The following KIF22 variants were observed in gnomAD, a reference collection of about 807,000 sequenced individuals.
The protein encoded by KIF22 is kinesin family member 22.
KIF22 carries 62 observed loss-of-function variants against 73.0 expected under a neutral mutation model. That is an observed-to-expected ratio of 0.85 (90% CI 0.69 to 1.05). The LOEUF (loss-of-function observed/expected upper bound fraction) is 1.05. KIF22 is among the 50% of genes least tolerant of loss of function. The probability of loss-of-function intolerance (pLI) is 0.00; values close to 1 mark genes in which losing one functional copy is unlikely to be tolerated. For synonymous variants in KIF22, 411 were observed against 340.1 expected, an observed-to-expected ratio of 1.21 and a Z score of -2.29; for missense variants, 854 against 870.1, an observed-to-expected ratio of 0.98 and a Z score of 0.23.
In KIF22 at chr16:29,799,372, C is replaced by T. The variant is rs765292943; in HGVS notation, c.868C>T (p.Arg290Trp). The stretch of plus-strand genomic sequence containing the variant: ...CCGGCGCACAGGCAACAAGGGCCTT[C>T]GGCTAAAAGAGAGTGGAGCCATCAA... ...DNRRTGNKGL[R>W]LKESGAINTS... Residue 290 changes from arginine (R) to tryptophan (W), a missense_variant, in exon 6 of 14, where the codon CGG becomes TGG. Coordinates refer to ENST00000160827, the MANE Select transcript of KIF22 (RefSeq NM_007317.3). 3.7e-6 allele frequency: 6 copies of T among 1,614,236 alleles called. No homozygotes were observed. The highest frequency in any genetic ancestry group is 1.3e-5 in the African/African-American group (1 of 75,062).
chr16:29,804,773 T>C lies in KIF22; in HGVS notation c.1678-41T>C, dbSNP rs577874205. 7.3e-6 allele frequency: 11 copies of C among 1,515,970 alleles called. No individual in the cohort carries two copies. In the Admixed American group the frequency reaches 9.7e-5, roughly 13 times the overall value. The allele number at this position is 1,515,970 out of a possible 1,614,324, so 93.9% of individuals were successfully genotyped here. A position where few individuals can be genotyped will look rare whatever the true frequency, so the allele number is the denominator to read the frequency against. On this transcript the variant is annotated intron_variant, in intron 11 of 13. Coordinates refer to ENST00000160827, the MANE Select transcript of KIF22 (RefSeq NM_007317.3). ...GTCTTGGCAGAGGAGCCCAAAGCAC[T>C]TGGCTGCCCTGCGTGTCACTCATCT...
In KIF22 at chr16:29,802,864, C is replaced by G. The variant is rs1301413089; in HGVS notation, c.1376C>G (p.Pro459Arg). The change falls in exon 9 of 14, where the codon CCT (proline) becomes CGT (arginine). Residue 459 changes from proline to arginine, a missense_variant. Transcript: ENST00000160827. ...LLASQGSQGAPLLSTPKRERM... is the reference protein window; with the variant it reads ...LLASQGSQGARLLSTPKRERM... Reference sequence around the variant, plus strand: ...GCCTCCCAGGGGAGCCAGGGGGCCCCTCTGTTGAGTACCCCAAAGCGAGAG... The same window carrying G: ...GCCTCCCAGGGGAGCCAGGGGGCCCGTCTGTTGAGTACCCCAAAGCGAGAG... The G allele has an allele frequency of 1.2e-6, 2 of 1,611,768 alleles. No homozygotes were observed. The highest frequency in any genetic ancestry group is 2.2e-5 in the East Asian group (1 of 44,624).
intron 8 of KIF22, 149 bp downstream of exon 8, chr16:29,800,197 G>C: frequency 2.2e-6 from 2 of 914,824 alleles, no homozygotes; most frequent in Non-Finnish European, 3.2e-6. Flanking sequence ...GCTCACTCCT[G>C]TAACCCCAGC....
In KIF22 at chr16:29,797,535, T is replaced by C. The variant is rs1020632830; in HGVS notation, c.266+447T>C. ...GTTCAAACTCCTTGGCCTGTTTTTC[T>C]AGGCGGGGGCTGGCAAACCATGGCC... On this transcript the variant is annotated intron_variant, in intron 2 of 13. Coordinates refer to ENST00000160827, the MANE Select transcript of KIF22 (RefSeq NM_007317.3). This position sits in a 1 kb window ranked among gnomAD's most constrained non-coding sequence, Gnocchi z 4.1. Among the ~76,000 whole-genome samples, 2 of 152,208 alleles carry C rather than the reference T, an allele frequency of 1.3e-5. No individual in the cohort carries two copies. Among genetic ancestry groups the C allele is most frequent in the Non-Finnish European group, 2.9e-5 (2 of 68,026 alleles).
chr16:29,802,855 A>AG lies in KIF22; in HGVS notation c.1372dup (p.Ala458GlyfsTer26). 1 of 1,611,510 alleles carries AG rather than the reference A, an allele frequency of 6.2e-7. No individual in the cohort carries two copies. The highest frequency in any genetic ancestry group is 2.2e-5 in the East Asian group (1 of 44,644). On this transcript the variant is annotated frameshift_variant, in exon 9 of 14. Coordinates refer to ENST00000160827, the MANE Select transcript of KIF22 (RefSeq NM_007317.3). LOFTEE classifies it high-confidence loss of function. ...CGTCTGCTTGCCTCCCAGGGGAGCC[A>AG]GGGGGCCCCTCTGTTGAGTACCCCA...
At position 29,802,750 on chromosome 16, in the gene KIF22, A is replaced by G. The variant is rs1173545428; in HGVS notation, c.1281-19A>G. On this transcript the variant is annotated intron_variant, in intron 8 of 13. Transcript: ENST00000160827. ...ATGAGGGAGGAGGTAGGTGGGGAGC[A>G]ACTTCTTTTTCTGCTCAGCCCCCTA... is the stretch of plus-strand genomic sequence containing the variant. The G allele has an allele frequency of 6.5e-7, 1 of 1,535,802 alleles. No individual in the cohort carries two copies. The highest frequency in any genetic ancestry group is 8.7e-7 in the Non-Finnish European group (1 of 1,145,988).
Position 29,797,128 on chromosome 16 carries a change from T to C in KIF22, c.266+40T>C. The C allele has an allele frequency of 7.5e-6, 11 of 1,468,450 alleles. No individual in the cohort carries two copies. Among genetic ancestry groups the C allele is most frequent in the Non-Finnish European group, 9.2e-6 (10 of 1,081,916 alleles). The allele number at this position is 1,468,450 out of a possible 1,614,324, so 91.0% of individuals were successfully genotyped here. Reference sequence around the variant, plus strand: ...ACTCCTCTTCCCTCATGCCATCACCTCCCTCTCCTAGGCCTGCCCACGTTC... The same window carrying C: ...ACTCCTCTTCCCTCATGCCATCACCCCCCTCTCCTAGGCCTGCCCACGTTC... On this transcript the variant is annotated intron_variant, in intron 2 of 13. Transcript: ENST00000160827. The surrounding 1 kb of genome is among the most constrained non-coding windows in gnomAD (Gnocchi z 4.1).
chr16:29,805,075 A>AC (rs766813522), intron 12 of KIF22, 40 bp from the exon 13 acceptor site: 1 of 1,612,056 alleles, frequency 6.2e-7, no homozygotes, highest in Non-Finnish European at 8.5e-7. Context: ...GAGACCGGGT[A>AC]CCCCCGAGAC....
chr16:29,791,011 T>G (rs1940898243), intron 1 of KIF22, 182 bp downstream of exon 1: 1 of 1,451,854 alleles, frequency 6.9e-7, no homozygotes, highest in East Asian at 2.5e-5. Flanking sequence ...GGCTCCTGCC[T>G]TCTCCCTGTT....
At chr16:29,795,177 A>G (rs1388240680) in intron 1 of KIF22, among the ~76,000 whole-genome samples, 1 of 152,182 alleles carries the variant, frequency 6.6e-6, no homozygotes, top group Non-Finnish European at 1.5e-5. Context: ...ATCTGCACAC[A>G]TGCATCTGCA....
In KIF22 at chr16:29,798,738, C is replaced by T. The variant is rs1461568711; in HGVS notation, c.540C>T (p.Tyr180=). Residue 180 remains tyrosine, a synonymous_variant, in exon 4 of 14, where the codon TAC becomes TAT. Transcript: ENST00000160827. The surrounding 1 kb of genome is among the most constrained non-coding windows in gnomAD (Gnocchi z 4.1). ...LSVTMSYLEI[Y]QEKVLDLLDP... ...TCACCATGTCTTACCTAGAGATCTACCAGGAGAAGGTGAGGCCCCGTGCTG... is the reference window on the plus strand; with the variant it reads ...TCACCATGTCTTACCTAGAGATCTATCAGGAGAAGGTGAGGCCCCGTGCTG... 4 of 1,613,628 alleles carry T rather than the reference C, an allele frequency of 2.5e-6. No homozygotes were observed. Among genetic ancestry groups the T allele is most frequent in the Admixed American group, 3.3e-5 (2 of 59,936 alleles).
In KIF22 at chr16:29,798,289, CCA is replaced by C; in HGVS notation, c.267-83_267-82del. The C allele has an allele frequency of 2.8e-5, 32 of 1,143,356 alleles. No homozygotes were observed. The highest frequency in any genetic ancestry group is 3.8e-5 in the Non-Finnish European group (31 of 824,726). The allele number at this position is 1,143,356 out of a possible 1,614,324, so 70.8% of individuals were successfully genotyped here. ...TCCAGATGAGAGTAGAATCCCTTAC[CCA>C]CCCCCACCCCACTCCACCCCTTACA... On this transcript the variant is annotated intron_variant, in intron 2 of 13. Coordinates refer to ENST00000160827, the MANE Select transcript of KIF22 (RefSeq NM_007317.3). This position sits in a 1 kb window ranked among gnomAD's most constrained non-coding sequence, Gnocchi z 4.1.
rs1317853017 is a variant in KIF22, at chr16:29,804,996, C to T, written c.1860C>T (p.Gly620=). 6.6e-7 allele frequency: 1 copy of T among 1,508,570 alleles called. No homozygotes were observed. Among genetic ancestry groups the T allele is most frequent in the Admixed American group, 1.8e-5 (1 of 56,322 alleles). The allele number at this position is 1,508,570 out of a possible 1,614,324, so 93.4% of individuals were successfully genotyped here. A position where few individuals can be genotyped will look rare whatever the true frequency, so the allele number is the denominator to read the frequency against. Residue 620 remains glycine (G), a synonymous_variant, in exon 12 of 14, where the codon GGC becomes GGT. Transcript: ENST00000160827. ...IGPKKAQLIV[G]WRELHGPFSQ... is the part of the protein sequence containing the mutation. ...CGAAGAAGGCCCAGCTAATCGTGGG[C>T]TGGCGGGAGCTCCACGGCCCCTTCA...
At chr16:29,792,317 G>A (rs533883717) in intron 1 of KIF22, 3 of 493,400 alleles carry the variant, frequency 6.1e-6, no homozygotes, top group East Asian at 3.0e-4. Flanking sequence ...CTCTTGTGCA[G>A]TAAATAATTG....
Position 29,803,992 on chromosome 16 carries a change from T to C in KIF22, c.1610-6T>C, listed in dbSNP as rs187154201. Reference sequence around the variant, plus strand: ...CCTGACTCCAATTCTCGATTCCTACTTTCAGTTCAGGAGCAGGCAGCATCC... The same window carrying C: ...CCTGACTCCAATTCTCGATTCCTACCTTCAGTTCAGGAGCAGGCAGCATCC... On this transcript the variant is annotated splice_region_variant and splice_polypyrimidine_tract_variant and intron_variant, in intron 10 of 13. Transcript: ENST00000160827. 1.1e-5 allele frequency: 17 copies of C among 1,612,626 alleles called. No homozygotes were observed. In the African/African-American group the frequency reaches 1.6e-4, roughly 15 times the overall value.
chr16:29,798,900 G>C lies in KIF22; in HGVS notation c.550-75G>C, dbSNP rs1222819721. On this transcript the variant is annotated intron_variant, in intron 4 of 13. Coordinates refer to ENST00000160827, the MANE Select transcript of KIF22 (RefSeq NM_007317.3). This position sits in a 1 kb window ranked among gnomAD's most constrained non-coding sequence, Gnocchi z 4.1. The stretch of plus-strand genomic sequence containing the variant: ...ATGGTACAACTCCGAGAATAGAACA[G>C]AGAAAGGAAACTGATCCCCAGGAAG... 1.3e-6 allele frequency: 2 copies of C among 1,563,750 alleles called. No homozygotes were observed. Among genetic ancestry groups the C allele is most frequent in the African/African-American group, 2.7e-5 (2 of 73,622 alleles).
chr16:29,799,446 C>T lies in KIF22; in HGVS notation c.942C>T (p.Gly314=), dbSNP rs1899054255. The T allele has an allele frequency of 6.2e-7, 1 of 1,614,204 alleles. No homozygotes were observed. ...AAGTGGTAGATGCGCTGAATCAGGG[C>T]CTCCCTCGTGTACCTTATCGGGACA... ...LGKVVDALNQ[G]LPRVPYRDSK... is the part of the protein sequence containing the mutation. Residue 314 remains glycine, a synonymous_variant, in exon 6 of 14, where the codon GGC becomes GGT. Coordinates refer to ENST00000160827, the MANE Select transcript of KIF22 (RefSeq NM_007317.3).
rs1232487997 is a variant in KIF22, at chr16:29,799,196, G to A, written c.759+12G>A. 5.6e-6 allele frequency: 9 copies of A among 1,612,236 alleles called. No homozygotes were observed. Among genetic ancestry groups the A allele is most frequent in the Non-Finnish European group, 7.6e-6 (9 of 1,179,054 alleles). The stretch of plus-strand genomic sequence containing the variant: ...TGCTCCTGGTCAAGGTGAGGCCGCA[G>A]ACAGGGGCGAGGACCTGGGAAGCCC... On this transcript the variant is annotated intron_variant, in intron 5 of 13. Transcript: ENST00000160827.
intron 11 of KIF22, 125 bp downstream of exon 11, chr16:29,804,190 C>A (rs1899254624): frequency 4.0e-6 from 3 of 756,456 alleles, no homozygotes; most frequent in East Asian, 2.6e-5. Context: ...TACTAACAGA[C>A]CTCAACTTGC....
Sources: gnomAD v4.1 joint callset for allele counts (sites outside exome capture counted in the v4.1 genomes callset) on GRCh38, gnomAD v4.1.1 for gene constraint, Gnocchi (gnomAD v3.1) non-coding constraint, MANE v1.5 for transcripts, NCBI Gene and HGNC (gene_info 2026-07-23, HGNC 2026-07-21) for gene names.